FBXO32: variants seen among roughly 807,000 people sequenced by gnomAD.
FBXO32 encodes the protein F-box only protein 32.
FBXO32 carries 15 observed loss-of-function variants against 48.3 expected under a neutral mutation model. The observed-to-expected ratio is 0.31, with a 90% confidence interval of 0.21 to 0.48. FBXO32 has a LOEUF of 0.48. Among genes scored for constraint, FBXO32 ranks in the 20% least tolerant of loss-of-function variants. The probability of loss-of-function intolerance (pLI) is 0.99; values close to 1 mark genes in which losing one functional copy is unlikely to be tolerated. For missense variants in FBXO32, 309 were observed against 432.7 expected (o/e 0.71, Z 2.54); for synonymous variants, 154 against 165.9 (o/e 0.93, Z 0.55).
rs1163320794 is a variant in FBXO32 at position 123,531,962 on chromosome 8, G to A, written c.308C>T (p.Ala103Val). 1 of 1,614,064 alleles carries A rather than the reference G, an allele frequency of 6.2e-7. No individual in the cohort carries two copies. The highest frequency in any genetic ancestry group is 1.3e-5 in the African/African-American group (1 of 74,934). ...ERHGYCTLGE[A>V]FNRLDFSTAI... ...AGTTGAGAAGTCCAGTCTGTTGAAA[G>A]CTTCCCCCAGGGTGCAATATCCATG... Residue 103 changes from alanine to valine, a missense_variant, in exon 4 of 9, where the codon GCT becomes GTT. Transcript: ENST00000517956.
chr8:123,520,568 C>T (rs999347810), intron 4 of FBXO32, among the ~76,000 whole-genome samples: 7 of 152,100 alleles, frequency 4.6e-5, no homozygotes, highest in Non-Finnish European at 8.8e-5. Flanking sequence ...CAAGCAATAT[C>T]GTATAGCAAA....
rs952798444 is a variant in FBXO32 at position 123,499,114 on chromosome 8, C to T, written c.*4259G>A. ...CTCAAGTTCGCATTCAGCTTTGCCACTGTACCAGGTGGGCTGACGCACATC... is the reference window on the plus strand; with the variant it reads ...CTCAAGTTCGCATTCAGCTTTGCCATTGTACCAGGTGGGCTGACGCACATC... On this transcript the variant is annotated 3_prime_UTR_variant, in exon 9 of 9. Coordinates refer to ENST00000517956, the MANE Select transcript of FBXO32 (RefSeq NM_058229.4). The T allele has an allele frequency of 4.6e-5, 7 of 152,246 alleles. No individual in the cohort carries two copies. The highest frequency in any genetic ancestry group is 8.8e-5 in the Non-Finnish European group (6 of 68,062). The allele number at this position is 152,246 out of a possible 1,614,324, so 9.4% of individuals were successfully genotyped here.
At position 123,540,365 on chromosome 8, in the gene FBXO32, C is replaced by T. The variant is rs1174598886; in HGVS notation, c.116+534G>A. Among the ~76,000 whole-genome samples, 2 of 152,228 alleles carry T rather than the reference C, an allele frequency of 1.3e-5. No individual in the cohort carries two copies. Among genetic ancestry groups the T allele is most frequent in the Non-Finnish European group, 2.9e-5 (2 of 68,032 alleles). On this transcript the variant is annotated intron_variant, in intron 1 of 8. Coordinates refer to ENST00000517956, the MANE Select transcript of FBXO32 (RefSeq NM_058229.4). This position sits in a 1 kb window ranked among gnomAD's most constrained non-coding sequence, Gnocchi z 6.4. ...ATCTGGCCGTCCCTTCCTGGTTACT[C>T]ATCCTCCCGGCCACTTCGTGGTTGC...
chr8:123,515,899 G>T (rs879644458), intron 4 of FBXO32, among the ~76,000 whole-genome samples: 1 of 152,170 alleles, frequency 6.6e-6, no homozygotes, highest in Non-Finnish European at 1.5e-5. Context: ...GGCTGAGGCA[G>T]GAGAATTGCT....
intron 4 of FBXO32, among the ~76,000 whole-genome samples, chr8:123,526,584 C>T (rs760332991): frequency 9.2e-5 from 14 of 152,132 alleles, no homozygotes; most frequent in Non-Finnish European, 2.1e-4. Context: ...GAATGTTCTG[C>T]TCACTGATCT....
At chr8:123,532,071 C>T (rs1587002539) in intron 3 of FBXO32, 81 bp from the exon 4 acceptor site, 1 of 1,581,356 alleles carries the variant, frequency 6.3e-7, no homozygotes, top group East Asian at 2.3e-5. Flanking sequence ...TTAGAACAAC[C>T]CAACTGGATT....
chr8:123,533,929 C>T (rs913195109), intron 2 of FBXO32, among the ~76,000 whole-genome samples: 1 of 151,976 alleles, frequency 6.6e-6, no homozygotes, highest in Non-Finnish European at 1.5e-5. Context: ...CCTGTCTCTA[C>T]TAAAAACACA....
chr8:123,508,309 G>T (rs1485038787), intron 6 of FBXO32, among the ~76,000 whole-genome samples: 1 of 152,136 alleles, frequency 6.6e-6, no homozygotes. Flanking sequence ...GTTCTCTCCT[G>T]TGTCCCCAGC....
intron 4 of FBXO32, among the ~76,000 whole-genome samples, chr8:123,519,266 A>C (rs1328698444): frequency 4.6e-5 from 7 of 152,262 alleles, no homozygotes. Context: ...ATTTTATATA[A>C]TATTGGGCTG....
At chr8:123,527,077 T>G (rs1817093594) in intron 4 of FBXO32, 2 of 152,236 alleles carry the variant, frequency 1.3e-5, no homozygotes, top group Non-Finnish European at 2.9e-5. Flanking sequence ...AACATTATAC[T>G]CCTTTCAATT....
rs748435660 is a variant in FBXO32, at chr8:123,531,948, C to A, written c.322G>T (p.Asp108Tyr). The change falls in exon 4 of 9, where the codon GAC (aspartate) becomes TAC (tyrosine). Residue 108 changes from aspartate to tyrosine, a missense_variant. Transcript: ENST00000517956. ...CTLGEAFNRL[D>Y]FSTAILDSRR... Reference sequence around the variant, plus strand: ...GAATCCAGAATGGCAGTTGAGAAGTCCAGTCTGTTGAAAGCTTCCCCCAGG... The same window carrying A: ...GAATCCAGAATGGCAGTTGAGAAGTACAGTCTGTTGAAAGCTTCCCCCAGG... 1 of 1,614,164 alleles carries A rather than the reference C, an allele frequency of 6.2e-7. No individual in the cohort carries two copies. The highest frequency in any genetic ancestry group is 1.1e-5 in the South Asian group (1 of 91,070).
At position 123,540,800 on chromosome 8, in the gene FBXO32, G is replaced by C. The variant is rs970459915; in HGVS notation, c.116+99C>G. 1 of 1,030,216 alleles carries C rather than the reference G, an allele frequency of 9.7e-7. No homozygotes were observed. The highest frequency in any genetic ancestry group is 1.5e-6 in the Non-Finnish European group (1 of 689,118). 63.8% of individuals were successfully genotyped at this position (1,030,216 alleles called of 1,614,324 possible). ...GGGTCAGGGTCTCCCTCCTCAGCCC[G>C]CTCCAGCCCTGCCTGCCCCTCATTC... On this transcript the variant is annotated intron_variant, in intron 1 of 8. Coordinates refer to ENST00000517956, the MANE Select transcript of FBXO32 (RefSeq NM_058229.4). This position sits in a 1 kb window ranked among gnomAD's most constrained non-coding sequence, Gnocchi z 6.4.
chr8:123,528,561 G>T (rs903730647), intron 4 of FBXO32, among the ~76,000 whole-genome samples: 1 of 152,138 alleles, frequency 6.6e-6, no homozygotes, highest in Non-Finnish European at 1.5e-5. Flanking sequence ...GCTGTGTAGG[G>T]GAGGGAGCAG....
At position 123,541,161 on chromosome 8, in the gene FBXO32, G is replaced by A; in HGVS notation, c.-147C>T. ...AACGGCGCGGGGCACCCTGCGGGGT[G>A]GCGGGCGCGGAGAGGATCTCAAGCG... On this transcript the variant is annotated 5_prime_UTR_variant, in exon 1 of 9. Coordinates refer to ENST00000517956, the MANE Select transcript of FBXO32 (RefSeq NM_058229.4). The A allele has an allele frequency of 2.5e-6, 1 of 405,792 alleles. No homozygotes were observed. Among genetic ancestry groups the A allele is most frequent in the Admixed American group, 4.6e-5 (1 of 21,698 alleles). The allele number at this position is 405,792 out of a possible 1,614,324, so 25.1% of individuals were successfully genotyped here.
chr8:123,519,420 G>A (rs1299855057), intron 4 of FBXO32, among the ~76,000 whole-genome samples: 7 of 151,654 alleles, frequency 4.6e-5, no homozygotes, highest in Non-Finnish European at 8.8e-5. Context: ...ATGCGGTGGC[G>A]GGTGCCTGTA....
chr8:123,513,098 ACT>A lies in FBXO32; in HGVS notation c.651+98_651+99del. ...AAAGCAGCAGATCAGAAAAGACCAG[ACT>A]CTTCCGTCACAGGAGTGAATTCAAA... is the stretch of plus-strand genomic sequence containing the variant. On this transcript the variant is annotated intron_variant, in intron 6 of 8. Coordinates refer to ENST00000517956, the MANE Select transcript of FBXO32 (RefSeq NM_058229.4). The surrounding 1 kb of genome is among the most constrained non-coding windows in gnomAD (Gnocchi z 4.3). The A allele has an allele frequency of 7.8e-7, 1 of 1,279,772 alleles. No homozygotes were observed. The highest frequency in any genetic ancestry group is 1.1e-6 in the Non-Finnish European group (1 of 910,272). 79.3% of individuals were successfully genotyped at this position (1,279,772 alleles called of 1,614,324 possible).
chr8:123,524,050 A>G (rs1248944828), intron 4 of FBXO32, among the ~76,000 whole-genome samples: 1 of 152,220 alleles, frequency 6.6e-6, no homozygotes, highest in Non-Finnish European at 1.5e-5. Context: ...GAATATGCAT[A>G]AATTGAGAGT....
Position 123,525,532 on chromosome 8 carries a change from G to C in FBXO32, c.372+6366C>G, listed in dbSNP as rs901997626. Among the ~76,000 whole-genome samples the C allele has an allele frequency of 1.3e-5, 2 of 152,210 alleles. No individual in the cohort carries two copies. Among genetic ancestry groups the C allele is most frequent in the African/African-American group, 2.4e-5 (1 of 41,430 alleles). On this transcript the variant is annotated intron_variant, in intron 4 of 8. Coordinates refer to ENST00000517956, the MANE Select transcript of FBXO32 (RefSeq NM_058229.4). This position sits in a 1 kb window ranked among gnomAD's most constrained non-coding sequence, Gnocchi z 4.3. ...GAACCTCTCCTGCGATATAGCCTGT[G>C]TGCATGTGTGCAAATATTTTAGTGG...
chr8:123,505,260 G>A (rs1402890518), intron 7 of FBXO32, among the ~76,000 whole-genome samples: 2 of 152,208 alleles, frequency 1.3e-5, no homozygotes, highest in African/African-American at 4.8e-5. Context: ...CAGGCTTGGA[G>A]TTGGTGTCTG....
Sources: gnomAD v4.1 joint callset for allele counts (sites outside exome capture counted in the v4.1 genomes callset) on GRCh38, gnomAD v4.1.1 for gene constraint, Gnocchi (gnomAD v3.1) non-coding constraint, MANE v1.5 for transcripts, NCBI Gene and HGNC (gene_info 2026-07-23, HGNC 2026-07-21) for gene names.